The following SHPRH variants were observed in gnomAD, a reference collection of about 807,000 sequenced individuals.
The protein encoded by SHPRH is E3 ubiquitin-protein ligase SHPRH.
A neutral mutation model predicts 202.5 loss-of-function variants in SHPRH; 106 were observed. The ratio of observed to expected loss-of-function variants is 0.52; its 90% confidence interval spans 0.45 to 0.62. The LOEUF (loss-of-function observed/expected upper bound fraction) is 0.62. Among genes scored for constraint, SHPRH ranks in the 20% least tolerant of loss-of-function variants. The pLI is 0.00. For missense variants in SHPRH, 1,710 were observed against 2,020.0 expected (o/e 0.85, Z 2.94); for synonymous variants, 729 against 686.0 (o/e 1.06, Z -0.98).
At chr6:145,873,870 C>T (rs980310401) in intron 2 of SHPRH, among the ~76,000 whole-genome samples, 1 of 152,120 alleles carries the variant, frequency 6.6e-6, no homozygotes, top group Admixed American at 6.6e-5. Context: ...AAATTAATAT[C>T]ACAAAGTGAT....
chr6:145,892,470 T>C (rs145781194), intron 28 of SHPRH, among the ~76,000 whole-genome samples: 88 of 152,298 alleles, frequency 5.8e-4, no homozygotes, highest in African/African-American at 2.0e-3. Flanking sequence ...TTATGTATCA[T>C]TCAATTTGAA....
intron 23 of SHPRH, among the ~76,000 whole-genome samples, chr6:145,915,623 A>G (rs1164795684): frequency 6.6e-6 from 1 of 152,076 alleles, no homozygotes; most frequent in Non-Finnish European, 1.5e-5. Context: ...AACTGGTTAC[A>G]TAGAGAAACT....
chr6:145,961,788 T>G (rs1373913529), intron 1 of SHPRH, among the ~76,000 whole-genome samples: 2 of 152,196 alleles, frequency 1.3e-5, no homozygotes, highest in Non-Finnish European at 2.9e-5. Context: ...TGAGTAAACA[T>G]TCATGATCAA....
At chr6:145,949,864 T>C (rs1378390511) in intron 4 of SHPRH, among the ~76,000 whole-genome samples, 1 of 152,126 alleles carries the variant, frequency 6.6e-6, no homozygotes, top group Non-Finnish European at 1.5e-5. Flanking sequence ...ATAAGTCTCC[T>C]ACTTTTGTAA....
intron 15 of SHPRH, 108 bp from the exon 16 acceptor site, chr6:145,926,404 T>C (rs1241568263): frequency 8.7e-6 from 8 of 923,986 alleles, no homozygotes; most frequent in African/African-American, 3.3e-5. Context: ...TAAGATCATA[T>C]CACCAAATAC....
At chr6:145,891,476 A>C (rs1781559813) in intron 28 of SHPRH, among the ~76,000 whole-genome samples, 1 of 152,088 alleles carries the variant, frequency 6.6e-6, no homozygotes, top group South Asian at 2.1e-4. Context: ...AACATAGTCC[A>C]GATTGTACTT....
intron 2 of SHPRH, among the ~76,000 whole-genome samples, chr6:145,870,659 A>G (rs1451021306): frequency 6.6e-6 from 1 of 152,080 alleles, no homozygotes; most frequent in Non-Finnish European, 1.5e-5. Flanking sequence ...TTTGTTGTGT[A>G]GCATTAGCTA....
intron 18 of SHPRH, 108 bp from the exon 19 acceptor site, chr6:145,922,944 T>TG (rs1056866802): frequency 1.1e-5 from 13 of 1,214,590 alleles, no homozygotes; most frequent in East Asian, 6.1e-5. Context: ...AACTGTTTGC[T>TG]GTTTTTTTTT....
intron 2 of SHPRH, among the ~76,000 whole-genome samples, chr6:145,874,635 C>T (rs564304075): frequency 5.3e-5 from 8 of 152,184 alleles, no homozygotes; most frequent in African/African-American, 1.9e-4. Flanking sequence ...AAATCCTTTA[C>T]TAGGTGGCAA....
intron 17 of SHPRH, among the ~76,000 whole-genome samples, chr6:145,924,478 G>A (rs1281658982): frequency 6.6e-6 from 1 of 151,938 alleles, no homozygotes; most frequent in African/African-American, 2.4e-5. Flanking sequence ...AAAGACAACT[G>A]TTATATACTC....
intron 25 of SHPRH, among the ~76,000 whole-genome samples, chr6:145,902,365 G>C (rs561794597): frequency 6.6e-6 from 1 of 152,226 alleles, no homozygotes; most frequent in Admixed American, 6.6e-5. Flanking sequence ...AATCTGATTG[G>C]AATAAGGTGT....
At chr6:145,905,519 C>G (rs1002513449) in intron 25 of SHPRH, 31 of 152,134 alleles carry the variant, frequency 2.0e-4, no homozygotes, top group African/African-American at 7.2e-4. Context: ...GCTCAAGGCC[C>G]TTATATAAAA....
In SHPRH at chr6:145,925,759, C is replaced by T. The variant is rs138044749; in HGVS notation, c.3294+445G>A. Among the ~76,000 whole-genome samples, 8 of 151,904 alleles carry T rather than the reference C, an allele frequency of 5.3e-5. 1 individual carries two copies. The South Asian group carries it at 1.0e-3, about 20-fold the overall frequency. ...CGATGTCATTCTTTTCAAAAAGAGG[C>T]GACACTTTTTGTAGAGGAAACTTCT... is the stretch of plus-strand genomic sequence containing the variant. On this transcript the variant is annotated intron_variant, in intron 16 of 29. Coordinates refer to ENST00000275233, the MANE Select transcript of SHPRH (RefSeq NM_001042683.3).
intron 1 of SHPRH, among the ~76,000 whole-genome samples, chr6:145,955,966 C>A (rs1379962075): frequency 6.6e-6 from 1 of 151,946 alleles, no homozygotes; most frequent in African/African-American, 2.4e-5. Flanking sequence ...ATACAAGTGA[C>A]TCCTATAGAA....
chr6:145,865,964 A>G (rs993897538), intron 2 of SHPRH, among the ~76,000 whole-genome samples: 1 of 152,252 alleles, frequency 6.6e-6, no homozygotes, highest in Non-Finnish European at 1.5e-5. Context: ...TGAGATTCAC[A>G]TCCAGGCCCT....
intron 2 of SHPRH, among the ~76,000 whole-genome samples, chr6:145,866,759 G>A (rs904579130): frequency 4.6e-5 from 7 of 152,188 alleles, no homozygotes; most frequent in African/African-American, 1.7e-4. Flanking sequence ...AGGCTTAAAG[G>A]AGACTGGAAG....
downstream of SHPRH, chr6:145,862,501 A>C (rs1779619835): frequency 6.5e-6 from 1 of 154,160 alleles, no homozygotes; most frequent in Non-Finnish European, 1.4e-5. Context: ...AAAATGGAGG[A>C]GGAAGAAACT....
chr6:145,934,893 G>C lies in SHPRH; in HGVS notation c.2990+14C>G, dbSNP rs770873426. ...ATATACCAACTGCAATTAAAAAAAA[G>C]TTGATAATAAAACCTTTTTTGGAGT... On this transcript the variant is annotated intron_variant, in intron 13 of 29. Transcript: ENST00000275233. The C allele has an allele frequency of 1.9e-6, 3 of 1,581,022 alleles. No homozygotes were observed. The highest frequency in any genetic ancestry group is 1.1e-5 in the South Asian group (1 of 87,138).
At chr6:145,926,107 T>G in intron 16 of SHPRH, 97 bp downstream of exon 16, 1 of 1,075,810 alleles carries the variant, frequency 9.3e-7, no homozygotes, top group Non-Finnish European at 1.4e-6. Flanking sequence ...ATGATTACAT[T>G]TATTTGTATG....
Sources: allele counts gnomAD v4.1 joint callset (sites outside exome capture counted in the v4.1 genomes callset), GRCh38; gene constraint gnomAD v4.1.1; transcripts MANE v1.5; gene names NCBI Gene and HGNC (gene_info 2026-07-23, HGNC 2026-07-21).